The following GRIK1 variants were observed in gnomAD, a reference collection of about 807,000 sequenced individuals.
The protein encoded by GRIK1 is glutamate receptor ionotropic, kainate 1.
GRIK1 carries 69 observed loss-of-function variants against 105.7 expected under a neutral mutation model. The observed-to-expected ratio is 0.65, with a 90% confidence interval of 0.54 to 0.80. GRIK1 has a LOEUF of 0.80. GRIK1 is among the 30% of genes least tolerant of loss of function. The pLI, the probability that GRIK1 is intolerant of heterozygous loss-of-function variation, is 0.00. For synonymous variants in GRIK1, 438 were observed against 431.3 expected (o/e 1.02, Z -0.19); for missense variants, 1,109 against 1,167.3 (o/e 0.95, Z 0.73).
intron 1 of GRIK1, among the ~76,000 whole-genome samples, chr21:29,821,168 G>T (rs145815681): frequency 2.6e-5 from 4 of 152,036 alleles, no homozygotes; most frequent in Non-Finnish European, 5.9e-5. Flanking sequence ...GATTAACACA[G>T]ATTTTGTATA....
At chr21:29,648,691 T>C (rs936898798) in intron 6 of GRIK1, among the ~76,000 whole-genome samples, 3 of 151,950 alleles carry the variant, frequency 2.0e-5, no homozygotes, top group African/African-American at 4.8e-5. Context: ...CGAATCAAAA[T>C]ATAACACGTC....
chr21:29,880,561 G>T (rs1185777337), intron 1 of GRIK1, among the ~76,000 whole-genome samples: 1 of 152,148 alleles, frequency 6.6e-6, no homozygotes, highest in Non-Finnish European at 1.5e-5. Flanking sequence ...CTACATCTAA[G>T]AAATGAAATT....
chr21:29,894,118 G>A (rs1412597961), intron 1 of GRIK1, among the ~76,000 whole-genome samples: 8 of 152,144 alleles, frequency 5.3e-5, no homozygotes, highest in African/African-American at 1.9e-4. Flanking sequence ...GAAGGGCCTT[G>A]TATTAGTCAG....
intron 1 of GRIK1, among the ~76,000 whole-genome samples, chr21:29,784,584 T>C (rs963982651): frequency 3.9e-5 from 6 of 152,212 alleles, no homozygotes; most frequent in Non-Finnish European, 7.3e-5. Flanking sequence ...TTATAAGCTC[T>C]GAGACACTTC....
intron 1 of GRIK1, among the ~76,000 whole-genome samples, chr21:29,894,763 T>C (rs1035374587): frequency 9.9e-5 from 15 of 152,182 alleles, no homozygotes; most frequent in Non-Finnish European, 1.9e-4. Context: ...CGGGATGGCC[T>C]GATTAGGTTC....
intron 6 of GRIK1, among the ~76,000 whole-genome samples, chr21:29,649,810 A>G (rs1249854834): frequency 6.6e-6 from 1 of 152,194 alleles, no homozygotes; most frequent in African/African-American, 2.4e-5. Flanking sequence ...AGTGGTATAT[A>G]CCAAACACAG....
At chr21:29,606,833 G>C (rs1007289524) in intron 7 of GRIK1, among the ~76,000 whole-genome samples, 77 of 151,986 alleles carry the variant, frequency 5.1e-4, no homozygotes, top group African/African-American at 1.8e-3. Flanking sequence ...TATGTGTTTT[G>C]ATTCTGAGTT....
At chr21:29,589,104 A>C (rs1483715649) in intron 10 of GRIK1, 62 bp from the exon 11 acceptor site, 1 of 874,150 alleles carries the variant, frequency 1.1e-6, no homozygotes, top group Non-Finnish European at 1.9e-6. Flanking sequence ...TTACCCTATC[A>C]GCAGCTTGAA....
At chr21:29,653,624 A>T (rs1250130209) in intron 5 of GRIK1, among the ~76,000 whole-genome samples, 2 of 152,220 alleles carry the variant, frequency 1.3e-5, no homozygotes, top group Admixed American at 6.5e-5. Context: ...GTTCTTCGTG[A>T]TGGGAAGAAC....
At chr21:29,803,825 C>T (rs1442009084) in intron 1 of GRIK1, among the ~76,000 whole-genome samples, 1 of 152,028 alleles carries the variant, frequency 6.6e-6, no homozygotes, top group East Asian at 1.9e-4. Context: ...AGCAATAGAC[C>T]CCATTCCTAC....
At chr21:29,759,641 G>C (rs2065457283) in intron 1 of GRIK1, among the ~76,000 whole-genome samples, 1 of 152,216 alleles carries the variant, frequency 6.6e-6, no homozygotes, top group Non-Finnish European at 1.5e-5. Context: ...AGGGAGAACA[G>C]AAGTCAGAAA....
intron 12 of GRIK1, among the ~76,000 whole-genome samples, chr21:29,585,663 T>C (rs1022277899): frequency 6.6e-6 from 1 of 152,138 alleles, no homozygotes; most frequent in Admixed American, 6.5e-5. Flanking sequence ...CCAACAGGTG[T>C]GGGCCTCCGG....
chr21:29,835,280 G>C (rs2067760279), intron 1 of GRIK1, among the ~76,000 whole-genome samples: 1 of 152,166 alleles, frequency 6.6e-6, no homozygotes, highest in Non-Finnish European at 1.5e-5. Flanking sequence ...TGCTCACTTA[G>C]TTCTTCTGCT....
intron 14 of GRIK1, among the ~76,000 whole-genome samples, chr21:29,567,881 A>G (rs2090647333): frequency 6.6e-6 from 1 of 152,226 alleles, no homozygotes; most frequent in African/African-American, 2.4e-5. Flanking sequence ...AGATGATCAG[A>G]AGAAAATATT....
intron 1 of GRIK1, among the ~76,000 whole-genome samples, chr21:29,729,569 A>G (rs1286448607): frequency 6.6e-6 from 1 of 152,200 alleles, no homozygotes; most frequent in Non-Finnish European, 1.5e-5. Flanking sequence ...ACATTCTACC[A>G]GGGTAGACAG....
chr21:29,785,170 A>G (rs533335216), intron 1 of GRIK1, among the ~76,000 whole-genome samples: 3 of 152,326 alleles, frequency 2.0e-5, no homozygotes, highest in Admixed American at 6.5e-5. Context: ...AAGTATCACC[A>G]TTTTATAAAA....
At chr21:29,660,450 G>C (rs996058245) in intron 4 of GRIK1, among the ~76,000 whole-genome samples, 1 of 152,146 alleles carries the variant, frequency 6.6e-6, no homozygotes, top group Non-Finnish European at 1.5e-5. Flanking sequence ...AAGAAGCCTG[G>C]ACCATATTTC....
At chr21:29,783,886 A>G (rs762908583) in intron 1 of GRIK1, among the ~76,000 whole-genome samples, 3 of 152,198 alleles carry the variant, frequency 2.0e-5, no homozygotes, top group Non-Finnish European at 4.4e-5. Context: ...TACTATTACC[A>G]TATCAATCAG....
At chr21:29,649,187 A>T (rs866096574) in intron 6 of GRIK1, among the ~76,000 whole-genome samples, 3 of 152,210 alleles carry the variant, frequency 2.0e-5, no homozygotes, top group Non-Finnish European at 4.4e-5. Context: ...GGATAAAAAA[A>T]GGTAAATGTT....
Sources: allele counts gnomAD v4.1 joint callset (sites outside exome capture counted in the v4.1 genomes callset), GRCh38; gene constraint gnomAD v4.1.1; transcripts MANE v1.5; gene names NCBI Gene and HGNC (gene_info 2026-07-23, HGNC 2026-07-21).